Variants in FDX1 observed in about 807,000 individuals in gnomAD.
The protein encoded by FDX1 is adrenodoxin, mitochondrial.
FDX1 carries 9 observed loss-of-function variants against 14.9 expected under a neutral mutation model. The observed-to-expected ratio is 0.60, with a 90% CI of 0.36 to 1.05. The LOEUF is 1.05. FDX1 is among the 50% of genes least tolerant of loss of function. The pLI is 0.01. For synonymous variants in FDX1, 92 were observed against 99.4 expected, an observed-to-expected ratio of 0.93 and a Z score of 0.44; for missense variants, 204 against 237.2, an observed-to-expected ratio of 0.86 and a Z score of 0.92.
At position 110,444,743 on chromosome 11, in the gene FDX1, T is replaced by TATATACAC. The variant is rs1369789746; in HGVS notation, c.310+8786_310+8787insTATACACA. Among the ~76,000 whole-genome samples the TATATACAC allele has an allele frequency of 3.7e-3, 167 of 44,730 alleles. 13 individuals are homozygous for TATATACAC. The highest frequency in any genetic ancestry group is 0.015 in the African/African-American group (155 of 10,290). The allele number at this position is 44,730 out of a possible 152,430, so 29.3% of individuals were successfully genotyped here. On this transcript the variant is annotated intron_variant, in intron 2 of 3. Coordinates refer to ENST00000260270, the MANE Select transcript of FDX1 (RefSeq NM_004109.5). Reference sequence around the variant, plus strand: ...ATATACGTATATATATATATATATATACACGTATATATATATATATATATT... The same window carrying TATATACAC: ...ATATACGTATATATATATATATATATATATACACACACGTATATATATATATATATATT...
chr11:110,433,105 C>T (rs955364488), intron 1 of FDX1, among the ~76,000 whole-genome samples: 2 of 152,252 alleles, frequency 1.3e-5, no homozygotes, highest in African/African-American at 4.8e-5. Flanking sequence ...TTGCTGTAAG[C>T]TTAGCTCTAG....
At chr11:110,432,835 G>A (rs532665652) in intron 1 of FDX1, among the ~76,000 whole-genome samples, 2 of 152,162 alleles carry the variant, frequency 1.3e-5, no homozygotes, top group South Asian at 2.1e-4. Context: ...TTTTTCTTTC[G>A]TTTCCGCCTC....
chr11:110,462,728 TTTGTTTAG>T lies in FDX1; in HGVS notation c.*261_*268del, dbSNP rs1946563914. On this transcript the variant is annotated 3_prime_UTR_variant, in exon 4 of 4. Coordinates refer to ENST00000260270, the MANE Select transcript of FDX1 (RefSeq NM_004109.5). ...AAACCTTACATATTTTTTTCTTATG[TTTGTTTAG>T]CGACTTTAGCAAAATGTTTTCATAT... The T allele has an allele frequency of 8.7e-5, 23 of 264,280 alleles. No homozygotes were observed. In the South Asian group the frequency reaches 1.6e-3, roughly 19 times the overall value. 16.4% of individuals were successfully genotyped at this position (264,280 alleles called of 1,614,324 possible).
intron 1 of FDX1, among the ~76,000 whole-genome samples, 180 bp from the exon 2 acceptor site, chr11:110,435,654 C>G (rs1409502963): frequency 2.0e-5 from 3 of 152,126 alleles, no homozygotes; most frequent in African/African-American, 4.8e-5. Context: ...TTGAGACCAG[C>G]TTGAGCAACA....
chr11:110,446,137 A>G (rs976640269), intron 2 of FDX1, among the ~76,000 whole-genome samples: 1 of 152,228 alleles, frequency 6.6e-6, no homozygotes, highest in Admixed American at 6.5e-5. Flanking sequence ...AAGCTAAACT[A>G]GATTCACCAA....
chr11:110,432,071 A>G lies in FDX1; in HGVS notation c.185+1766A>G, dbSNP rs76790939. On this transcript the variant is annotated intron_variant, in intron 1 of 3. Coordinates refer to ENST00000260270, the MANE Select transcript of FDX1 (RefSeq NM_004109.5). ...TAGTGGCTACTGTATTGGACATTGC[A>G]AGTATGTGTAGAACATCTTTGTTAT... is the stretch of plus-strand genomic sequence containing the variant. Among the ~76,000 whole-genome samples, 199 of 152,316 alleles carry G rather than the reference A, an allele frequency of 1.3e-3. 3 individuals are homozygous for G. In the East Asian group the frequency reaches 0.024, roughly 18 times the overall value.
chr11:110,459,382 C>T (rs1946542926), intron 3 of FDX1, among the ~76,000 whole-genome samples: 1 of 152,226 alleles, frequency 6.6e-6, no homozygotes. Context: ...TGGGAACTTA[C>T]TGTAATGCCT....
At chr11:110,439,430 A>T (rs1184598926) in intron 2 of FDX1, among the ~76,000 whole-genome samples, 1 of 151,966 alleles carries the variant, frequency 6.6e-6, no homozygotes, top group Non-Finnish European at 1.5e-5. Flanking sequence ...GCTAGTCTCG[A>T]ACTCCTGACC....
At chr11:110,444,183 T>C (rs1231307130) in intron 2 of FDX1, among the ~76,000 whole-genome samples, 3 of 152,180 alleles carry the variant, frequency 2.0e-5, no homozygotes, top group African/African-American at 7.2e-5. Context: ...TTTTATAGTT[T>C]GAGGTCTTAA....
chr11:110,461,039 A>G (rs1452601320), intron 3 of FDX1, among the ~76,000 whole-genome samples: 1 of 152,252 alleles, frequency 6.6e-6, no homozygotes, highest in Non-Finnish European at 1.5e-5. Flanking sequence ...AATTGAAGAC[A>G]TGTCAATTGT....
intron 1 of FDX1, 152 bp from the exon 2 acceptor site, chr11:110,435,682 T>A: frequency 1.9e-6 from 1 of 537,868 alleles, no homozygotes; most frequent in Non-Finnish European, 3.1e-6. Flanking sequence ...ACCCCGTCAC[T>A]ACAAAAAATA....
At chr11:110,445,740 T>C (rs777075804) in intron 2 of FDX1, among the ~76,000 whole-genome samples, 3 of 152,206 alleles carry the variant, frequency 2.0e-5, no homozygotes, top group Non-Finnish European at 4.4e-5. Flanking sequence ...TACTCATAAC[T>C]CATCTTTTCA....
intron 2 of FDX1, among the ~76,000 whole-genome samples, chr11:110,443,584 G>A (rs1946419760): frequency 1.3e-5 from 2 of 151,904 alleles, no homozygotes; most frequent in Admixed American, 1.3e-4. Context: ...GGGATTACAG[G>A]TGTCTACCAC....
At chr11:110,446,962 G>A (rs938936110) in intron 2 of FDX1, among the ~76,000 whole-genome samples, 1 of 152,132 alleles carries the variant, frequency 6.6e-6, no homozygotes, top group Admixed American at 6.5e-5. Flanking sequence ...AGATCACAAG[G>A]TCACGAGTTT....
intron 2 of FDX1, among the ~76,000 whole-genome samples, chr11:110,445,437 A>G (rs1946444449): frequency 6.6e-6 from 1 of 152,228 alleles, no homozygotes; most frequent in Non-Finnish European, 1.5e-5. Flanking sequence ...CAACTATTAC[A>G]AGGTCATGAA....
chr11:110,454,374 CA>C (rs1946508366), intron 2 of FDX1, among the ~76,000 whole-genome samples: 1 of 152,146 alleles, frequency 6.6e-6, no homozygotes, highest in Non-Finnish European at 1.5e-5. Flanking sequence ...GCTACTGGTA[CA>C]AAAAGCAATG....
At chr11:110,440,290 T>G (rs1432867353) in intron 2 of FDX1, among the ~76,000 whole-genome samples, 5 of 152,058 alleles carry the variant, frequency 3.3e-5, no homozygotes, top group African/African-American at 4.8e-5. Context: ...TGCTTTGAGT[T>G]TGTTATTTCT....
At chr11:110,456,131 A>G (rs987618595) in intron 2 of FDX1, among the ~76,000 whole-genome samples, 1 of 152,236 alleles carries the variant, frequency 6.6e-6, no homozygotes, top group East Asian at 1.9e-4. Flanking sequence ...TTATTTTAAA[A>G]TGACTTGATT....
intron 3 of FDX1, among the ~76,000 whole-genome samples, chr11:110,461,937 A>G (rs1427453206): frequency 6.6e-6 from 1 of 152,240 alleles, no homozygotes; most frequent in Non-Finnish European, 1.5e-5. Flanking sequence ...AAAGGCTTTA[A>G]AAAGTGTAGC....
Sources: gnomAD v4.1 joint callset for allele counts (sites outside exome capture counted in the v4.1 genomes callset) on GRCh38, gnomAD v4.1.1 for gene constraint, MANE v1.5 for transcripts, NCBI Gene and HGNC (gene_info 2026-07-23, HGNC 2026-07-21) for gene names.